Variants in KDM7A observed in about 807,000 individuals in gnomAD.
The protein encoded by KDM7A is lysine demethylase 7A, also known as lysine-specific demethylase 7A.
Under a neutral mutation model 114.8 loss-of-function variants are expected in KDM7A, and 28 were observed. The ratio of observed to expected loss-of-function variants is 0.24; its 90% CI spans 0.18 to 0.33. The LOEUF (loss-of-function observed/expected upper bound fraction) is 0.33, where lower values mean the gene tolerates loss of function less well. Ranked by LOEUF, KDM7A falls within the 10% of genes least tolerant of loss-of-function variation. KDM7A has a pLI of 1.00. For synonymous variants in KDM7A, 423 were observed against 397.8 expected (o/e 1.06, Z -0.75); for missense variants, 942 against 1,142.5 (o/e 0.82, Z 2.53).
chr7:140,128,104 C>T (rs1818734475), intron 4 of KDM7A, among the ~76,000 whole-genome samples: 1 of 152,068 alleles, frequency 6.6e-6, no homozygotes, highest in Non-Finnish European at 1.5e-5. Flanking sequence ...ATACTGTCTT[C>T]TAATATTCTC....
chr7:140,120,416 G>T (rs765319872), intron 8 of KDM7A, 26 bp downstream of exon 8: 37 of 1,389,180 alleles, frequency 2.7e-5, no homozygotes, highest in African/African-American at 1.4e-5. Flanking sequence ...AGGACAAAAG[G>T]TCATTTAAAT....
chr7:140,116,788 T>A (rs1297149581), intron 9 of KDM7A, among the ~76,000 whole-genome samples: 7 of 152,236 alleles, frequency 4.6e-5, no homozygotes, highest in Admixed American at 3.3e-4. Context: ...ATATATTAGA[T>A]GTGGTCCAAA....
intron 2 of KDM7A, among the ~76,000 whole-genome samples, chr7:140,136,752 G>A (rs1462793616): frequency 3.3e-5 from 5 of 152,166 alleles, no homozygotes; most frequent in Admixed American, 1.3e-4. Flanking sequence ...AGTGGCTCAC[G>A]CCTGTAATCT....
intron 2 of KDM7A, among the ~76,000 whole-genome samples, chr7:140,137,379 T>C (rs1282431968): frequency 2.0e-5 from 3 of 152,252 alleles, no homozygotes; most frequent in Non-Finnish European, 4.4e-5. Context: ...CATAGTAACT[T>C]ACTTAGTATT....
intron 8 of KDM7A, 140 bp downstream of exon 8, chr7:140,120,302 C>A: frequency 1.9e-6 from 1 of 513,456 alleles, no homozygotes. Flanking sequence ...TTGTTAAAAG[C>A]TTCTATCCCT....
At chr7:140,102,208 C>T in intron 11 of KDM7A, 48 bp from the exon 12 acceptor site, 1 of 1,244,706 alleles carries the variant, frequency 8.0e-7, no homozygotes, top group Non-Finnish European at 1.2e-6. Context: ...CTGTTACACA[C>T]ATACGTGACT....
intron 7 of KDM7A, among the ~76,000 whole-genome samples, chr7:140,120,738 AGGT>A (rs1818606742): frequency 1.3e-5 from 2 of 152,222 alleles, no homozygotes; most frequent in African/African-American, 4.8e-5. Context: ...TTGAGAAATA[AGGT>A]GACGGTTTTT....
Position 140,084,753 on chromosome 7 carries a change from T to A in KDM7A, c.*6341A>T, listed in dbSNP as rs1048351820. ...AAGGGAACAAAGTCAGAATTGGATA[T>A]AGAATTCAGATTCTTTTTCTTTCAA... On this transcript the variant is annotated 3_prime_UTR_variant, in exon 20 of 20. Transcript: ENST00000397560. 1 of 152,246 alleles carries A rather than the reference T, an allele frequency of 6.6e-6. No individual in the cohort carries two copies. Among genetic ancestry groups the A allele is most frequent in the Non-Finnish European group, 1.5e-5 (1 of 68,040 alleles). The allele number at this position is 152,246 out of a possible 1,614,324, so 9.4% of individuals were successfully genotyped here.
intron 1 of KDM7A, among the ~76,000 whole-genome samples, chr7:140,147,334 T>C (rs1794349771): frequency 6.6e-6 from 1 of 152,204 alleles, no homozygotes; most frequent in Non-Finnish European, 1.5e-5. Context: ...TAATATATTG[T>C]GGCAAAATTT....
At chr7:140,156,614 C>T (rs1794460731) in intron 1 of KDM7A, among the ~76,000 whole-genome samples, 1 of 152,124 alleles carries the variant, frequency 6.6e-6, no homozygotes, top group Non-Finnish European at 1.5e-5. Flanking sequence ...AAAGGTCCCA[C>T]CCAAAGGGAG....
intron 1 of KDM7A, among the ~76,000 whole-genome samples, chr7:140,142,543 A>T (rs1039444627): frequency 6.6e-6 from 1 of 152,190 alleles, no homozygotes; most frequent in Non-Finnish European, 1.5e-5. Flanking sequence ...TGGGGGAAAT[A>T]TAAGTTAAAA....
chr7:140,134,848 T>C (rs62491416), intron 2 of KDM7A, among the ~76,000 whole-genome samples: 10,239 of 152,190 alleles, frequency 0.067, 399 homozygotes, highest in Non-Finnish European at 0.09. Context: ...GATTCCAAGT[T>C]ATTTTAAACC....
chr7:140,105,235 C>T (rs934481809), intron 11 of KDM7A, among the ~76,000 whole-genome samples: 1 of 152,166 alleles, frequency 6.6e-6, no homozygotes, highest in African/African-American at 2.4e-5. Context: ...CATCTGCAAA[C>T]AGGGACAATT....
intron 8 of KDM7A, 63 bp downstream of exon 8, chr7:140,120,379 A>T (rs1818599215): frequency 3.7e-6 from 2 of 546,594 alleles, no homozygotes; most frequent in Non-Finnish European, 3.0e-6. Context: ...TTTTTAAGTT[A>T]AAAAAAAAAG....
Position 140,176,917 on chromosome 7 carries a change from C to T in KDM7A, c.21G>A (p.Ala7=). ...CTCCAGCTGCTGCTCCCGCGGCCAC[C>T]GCCGCCGCCGCTCCGGCCATCTTTA... MAGAAA[A]VAAGAAAGAA... Residue 7 remains alanine, a synonymous_variant, in exon 1 of 20, where the codon GCG becomes GCA. Transcript: ENST00000397560. The surrounding 1 kb of genome is among the most constrained non-coding windows in gnomAD (Gnocchi z 4.4). 6 of 1,161,212 alleles carry T rather than the reference C, an allele frequency of 5.2e-6. No homozygotes were observed. Among genetic ancestry groups the T allele is most frequent in the African/African-American group, 1.7e-5 (1 of 60,536 alleles). 71.9% of individuals were successfully genotyped at this position (1,161,212 alleles called of 1,614,324 possible).
chr7:140,148,988 C>T (rs564646269), intron 1 of KDM7A, among the ~76,000 whole-genome samples: 2 of 152,270 alleles, frequency 1.3e-5, no homozygotes, highest in South Asian at 4.2e-4. Flanking sequence ...ACAATCATCT[C>T]TTAAGGTTCA....
Position 140,111,146 on chromosome 7 carries a change from A to G in KDM7A, c.1377T>C (p.Val459=). ...GTTCTTTAATAAGGTGTCCAGGTCT[A>G]ACATTGTCTGGAATTTCAAAGGCAT... ...SEHAFEIPDN[V]RPGHLIKELS... The change falls in exon 11 of 20, where the codon GTT becomes GTC. Residue 459 remains valine, a synonymous_variant. Transcript: ENST00000397560. 1 of 1,608,964 alleles carries G rather than the reference A, an allele frequency of 6.2e-7. No individual in the cohort carries two copies. The highest frequency in any genetic ancestry group is 8.5e-7 in the Non-Finnish European group (1 of 1,176,550).
At chr7:140,175,886 T>C (rs572956370) in intron 1 of KDM7A, among the ~76,000 whole-genome samples, 2 of 152,134 alleles carry the variant, frequency 1.3e-5, no homozygotes, top group South Asian at 4.1e-4. Flanking sequence ...AACTGCACTC[T>C]TTGTAAAGTT....
chr7:140,150,548 A>G (rs963543767), intron 1 of KDM7A, among the ~76,000 whole-genome samples: 1 of 152,198 alleles, frequency 6.6e-6, no homozygotes, highest in African/African-American at 2.4e-5. Flanking sequence ...CCAGGTGCGT[A>G]ACAGTTTGTA....
Sources: gnomAD v4.1 joint callset for allele counts (sites outside exome capture counted in the v4.1 genomes callset) on GRCh38, gnomAD v4.1.1 for gene constraint, Gnocchi (gnomAD v3.1) non-coding constraint, MANE v1.5 for transcripts, NCBI Gene and HGNC (gene_info 2026-07-23, HGNC 2026-07-21) for gene names.